WWOX: variants seen among roughly 807,000 people sequenced by gnomAD.
WWOX encodes WW domain containing oxidoreductase.
A neutral mutation model predicts 46.2 loss-of-function variants in WWOX; 69 were observed. The ratio of observed to expected loss-of-function variants is 1.49; its 90% CI spans 1.23 to 1.82. The LOEUF (loss-of-function observed/expected upper bound fraction) is 1.82. Ranked by LOEUF, WWOX falls within the 40% of genes most tolerant of loss-of-function variation. The pLI, the probability that WWOX is intolerant of heterozygous loss-of-function variation, is 0.00. For synonymous variants in WWOX, 359 were observed against 202.6 expected (o/e 1.77, Z -6.56); for missense variants, 919 against 542.6 (o/e 1.69, Z -6.89).
intron 8 of WWOX, among the ~76,000 whole-genome samples, chr16:79,197,457 C>T (rs142839038): frequency 1.4e-4 from 22 of 151,944 alleles, no homozygotes; most frequent in Middle Eastern, 3.4e-3. Context: ...ATCAAACCCA[C>T]CCCCTGCACT....
intron 8 of WWOX, among the ~76,000 whole-genome samples, chr16:78,659,416 G>T (rs1052971649): frequency 6.6e-6 from 1 of 152,008 alleles, no homozygotes; most frequent in Non-Finnish European, 1.5e-5. Flanking sequence ...CCTCAGGCTC[G>T]CCCCACCCCG....
chr16:79,168,642 G>C (rs565460260), intron 8 of WWOX, among the ~76,000 whole-genome samples: 1 of 152,128 alleles, frequency 6.6e-6, no homozygotes, highest in Non-Finnish European at 1.5e-5. Flanking sequence ...TACACTTGTC[G>C]ACTAGAATTT....
chr16:78,581,529 T>C (rs2045052512), intron 8 of WWOX, among the ~76,000 whole-genome samples: 1 of 152,226 alleles, frequency 6.6e-6, no homozygotes, highest in Admixed American at 6.5e-5. Context: ...TCTTGTCGTC[T>C]TACACGTTAA....
At chr16:79,170,379 C>G (rs1419546032) in intron 8 of WWOX, among the ~76,000 whole-genome samples, 1 of 152,190 alleles carries the variant, frequency 6.6e-6, no homozygotes, top group Non-Finnish European at 1.5e-5. Flanking sequence ...AGGTCTGACT[C>G]CAGAAGCACT....
chr16:78,662,677 T>G (rs2047244630), intron 8 of WWOX, among the ~76,000 whole-genome samples: 1 of 152,214 alleles, frequency 6.6e-6, no homozygotes, highest in Admixed American at 6.5e-5. Flanking sequence ...GATGAAGAAT[T>G]GAGCCTGGTT....
At chr16:78,285,704 C>T (rs2079755537) in intron 5 of WWOX, among the ~76,000 whole-genome samples, 1 of 152,146 alleles carries the variant, frequency 6.6e-6, no homozygotes, top group Non-Finnish European at 1.5e-5. Flanking sequence ...GATCTTAAAA[C>T]AGTAATCGGC....
intron 5 of WWOX, among the ~76,000 whole-genome samples, chr16:78,303,052 C>T (rs2080069294): frequency 6.6e-6 from 1 of 152,216 alleles, no homozygotes; most frequent in Non-Finnish European, 1.5e-5. Context: ...ATTGGAACAG[C>T]TGGTTTTCCC....
chr16:78,923,700 A>G (rs1488372251), intron 8 of WWOX, among the ~76,000 whole-genome samples: 1 of 152,084 alleles, frequency 6.6e-6, no homozygotes, highest in Non-Finnish European at 1.5e-5. Context: ...TTCTTCAAGA[A>G]AAAGTAGTTT....
At position 79,083,775 on chromosome 16, in the gene WWOX, G is replaced by C. The variant is rs140435082; in HGVS notation, c.1057-127833G>C. Among the ~76,000 whole-genome samples the C allele has an allele frequency of 3.5e-4, 54 of 152,342 alleles. No homozygotes were observed. The East Asian group carries it at 0.01, about 29-fold the overall frequency. On this transcript the variant is annotated intron_variant, in intron 8 of 8. Coordinates refer to ENST00000566780, the MANE Select transcript of WWOX (RefSeq NM_016373.4). ...AAAGGGAGCCGTGTGGAGCTCCGGA[G>C]TTCCCATCTGAGGTCTTGTCTAACT...
intron 8 of WWOX, among the ~76,000 whole-genome samples, chr16:78,709,096 C>T (rs770747748): frequency 2.0e-5 from 3 of 152,058 alleles, no homozygotes. Context: ...TATCGCCCTG[C>T]GTGTCATTTT....
At chr16:79,096,802 T>G (rs941054767) in intron 8 of WWOX, among the ~76,000 whole-genome samples, 7 of 152,148 alleles carry the variant, frequency 4.6e-5, no homozygotes, top group African/African-American at 1.4e-4. Flanking sequence ...TTAGCAAATT[T>G]TTGATCTTAA....
intron 8 of WWOX, among the ~76,000 whole-genome samples, chr16:78,504,698 A>G (rs1399116639): frequency 1.3e-5 from 2 of 152,150 alleles, no homozygotes; most frequent in Non-Finnish European, 2.9e-5. Flanking sequence ...GGGAGAATTA[A>G]TTCCAGTTTC....
chr16:78,587,627 C>G (rs1413639954), intron 8 of WWOX, among the ~76,000 whole-genome samples: 1 of 152,014 alleles, frequency 6.6e-6, no homozygotes. Flanking sequence ...GGTGTTGGAT[C>G]CATAGGACAT....
chr16:78,531,490 T>G (rs1197351064), intron 8 of WWOX, among the ~76,000 whole-genome samples: 1 of 152,148 alleles, frequency 6.6e-6, no homozygotes, highest in Non-Finnish European at 1.5e-5. Context: ...TCTTTTGTAT[T>G]TTGCTACCAG....
At chr16:79,080,486 G>A (rs1201599001) in intron 8 of WWOX, among the ~76,000 whole-genome samples, 1 of 152,176 alleles carries the variant, frequency 6.6e-6, no homozygotes, top group South Asian at 2.1e-4. Flanking sequence ...CAAATCAGCT[G>A]TTTATACTCC....
At chr16:78,338,650 A>C (rs1377479722) in intron 5 of WWOX, among the ~76,000 whole-genome samples, 1 of 121,242 alleles carries the variant, frequency 8.2e-6, no homozygotes, top group African/African-American at 2.8e-5. Context: ...CTATAAATTC[A>C]GTTGAAAAAT....
At chr16:78,178,838 T>C (rs2035434620) in intron 5 of WWOX, among the ~76,000 whole-genome samples, 1 of 146,724 alleles carries the variant, frequency 6.8e-6, no homozygotes, top group African/African-American at 2.6e-5. Context: ...CATTCCAGCC[T>C]GGGCGACAGA....
chr16:79,073,516 G>A (rs1038226703), intron 8 of WWOX, among the ~76,000 whole-genome samples: 3 of 152,200 alleles, frequency 2.0e-5, no homozygotes, highest in South Asian at 2.1e-4. Context: ...ATCATTTTAG[G>A]TGGAGATTTG....
At chr16:78,544,615 G>A (rs977902715) in intron 8 of WWOX, among the ~76,000 whole-genome samples, 4 of 152,182 alleles carry the variant, frequency 2.6e-5, no homozygotes, top group Non-Finnish European at 5.9e-5. Context: ...GCTGGGCATG[G>A]TGGCTCACAC....
Sources: allele counts gnomAD v4.1 joint callset (sites outside exome capture counted in the v4.1 genomes callset), GRCh38; gene constraint gnomAD v4.1.1; transcripts MANE v1.5; gene names NCBI Gene and HGNC (gene_info 2026-07-23, HGNC 2026-07-21).